Variants in KAZN observed in about 807,000 individuals in gnomAD.
KAZN encodes the protein kazrin, periplakin interacting protein, also known as kazrin.
Under a neutral mutation model 87.4 loss-of-function variants are expected in KAZN, and 40 were observed. The ratio of observed to expected loss-of-function variants is 0.46; its 90% CI spans 0.36 to 0.60. The LOEUF is 0.60. Among genes scored for constraint, KAZN ranks in the 20% least tolerant of loss-of-function variants. The pLI, the probability that KAZN is intolerant of heterozygous loss-of-function variation, is 0.00. For missense variants in KAZN, 898 were observed against 1,073.9 expected (o/e 0.84, Z 2.29); for synonymous variants, 466 against 458.3 (o/e 1.02, Z -0.22).
At chr1:14,007,658 C>T (rs1237375769) in intron 1 of KAZN, among the ~76,000 whole-genome samples, 2 of 152,174 alleles carry the variant, frequency 1.3e-5, no homozygotes, top group Non-Finnish European at 2.9e-5. Flanking sequence ...ACAATTTTAT[C>T]ACACTAGTTT....
intron 2 of KAZN, among the ~76,000 whole-genome samples, chr1:14,204,178 C>T (rs1646694196): frequency 6.6e-6 from 1 of 152,232 alleles, no homozygotes; most frequent in South Asian, 2.1e-4. Flanking sequence ...TTGCATGCTT[C>T]CTGAAACTTG....
rs374866469 is a variant in KAZN at position 14,464,370 on chromosome 1, A to G, written c.250-134613A>G. ...TCTTGAAAAGTCTGGCAACACTCAG[A>G]TTGCGTTTCCTTAGAGAAATAATTG... On this transcript the variant is annotated intron_variant, in intron 2 of 16. Coordinates refer to the KAZN transcript ENST00000636203. Among the ~76,000 whole-genome samples, 352 of 152,262 alleles carry G rather than the reference A, an allele frequency of 2.3e-3. 3 individuals carry two copies. The highest frequency in any genetic ancestry group is 8.3e-3 in the African/African-American group (344 of 41,540).
chr1:14,068,816 T>A (rs966306668), intron 1 of KAZN, among the ~76,000 whole-genome samples: 4 of 132,718 alleles, frequency 3.0e-5, no homozygotes, highest in African/African-American at 1.2e-4. Context: ...TTTTTTTTTT[T>A]GAGACGGAGT....
At position 14,820,724 on chromosome 1, in the gene KAZN, G is replaced by A. The variant is rs1572569486; in HGVS notation, c.227-139960G>A. 6.6e-6 allele frequency among the ~76,000 whole-genome samples: 1 copy of A among 152,320 alleles called. No individual in the cohort carries two copies. The highest frequency in any genetic ancestry group is 1.5e-5 in the Non-Finnish European group (1 of 68,026). On this transcript the variant is annotated intron_variant, in intron 1 of 14. Transcript: ENST00000376030. The surrounding 1 kb of genome is among the most constrained non-coding windows in gnomAD (Gnocchi z 4.1). ...TGAGCAGAAGGTAAAGGTAGAAGGT[G>A]CAGATTAGGTACTGGGAATAGTCAT... is the stretch of plus-strand genomic sequence containing the variant.
intron 2 of KAZN, among the ~76,000 whole-genome samples, chr1:14,444,306 ATTTTT>A (rs35461813): frequency 1.0e-5 from 1 of 95,238 alleles, no homozygotes; most frequent in African/African-American, 4.5e-5. Context: ...TAAATTCATG[ATTTTT>A]TTTTTTTTTT....
At chr1:14,250,587 G>A (rs1009103458) in intron 2 of KAZN, among the ~76,000 whole-genome samples, 5 of 151,604 alleles carry the variant, frequency 3.3e-5, no homozygotes, top group African/African-American at 1.2e-4. Flanking sequence ...TTGATGGTGA[G>A]ATTCAACATT....
intron 2 of KAZN, among the ~76,000 whole-genome samples, chr1:15,033,249 TC>T (rs1671916134): frequency 1.3e-5 from 2 of 152,226 alleles, no homozygotes; most frequent in Non-Finnish European, 2.9e-5. Context: ...GCAATGGCCC[TC>T]CTTGTTTTTA....
At chr1:14,194,643 G>T (rs1486351993) in intron 2 of KAZN, among the ~76,000 whole-genome samples, 1 of 152,156 alleles carries the variant, frequency 6.6e-6, no homozygotes, top group East Asian at 1.9e-4. Flanking sequence ...TTTCATGAAG[G>T]CTTCACTGAG....
At chr1:14,037,190 G>A (rs7527265) in intron 1 of KAZN, among the ~76,000 whole-genome samples, 23,091 of 152,238 alleles carry the variant, frequency 0.15, 2,011 homozygotes, top group Middle Eastern at 0.25. Context: ...CTCCATGCCA[G>A]TAAATACAGT....
chr1:15,077,278 G>C lies in KAZN; in HGVS notation c.1222+11525G>C, dbSNP rs1046165754. On this transcript the variant is annotated intron_variant, in intron 8 of 14. Coordinates refer to ENST00000376030, the MANE Select transcript of KAZN (RefSeq NM_201628.3). The surrounding 1 kb of genome is among the most constrained non-coding windows in gnomAD (Gnocchi z 4.8). ...TCTCTCTGTGGACACCTCGTGCTCT[G>C]ACAGTCCCTGGTCTTCCCCTGCGTG... is the stretch of plus-strand genomic sequence containing the variant. Among the ~76,000 whole-genome samples, 14 of 152,116 alleles carry C rather than the reference G, an allele frequency of 9.2e-5. No homozygotes were observed. The highest frequency in any genetic ancestry group is 3.4e-4 in the African/African-American group (14 of 41,414).
chr1:14,334,823 G>A (rs914125999), intron 2 of KAZN, among the ~76,000 whole-genome samples: 2 of 152,164 alleles, frequency 1.3e-5, no homozygotes, highest in African/African-American at 4.8e-5. Context: ...CAGAAGCAGA[G>A]AGACAGACAG....
chr1:14,739,799 G>A (rs369817487), intron 1 of KAZN, among the ~76,000 whole-genome samples: 26 of 151,828 alleles, frequency 1.7e-4, no homozygotes, highest in African/African-American at 5.8e-4. Flanking sequence ...ATAAAAAAAT[G>A]TTGATCTGTC....
intron 1 of KAZN, among the ~76,000 whole-genome samples, chr1:14,880,289 C>T (rs1653198102): frequency 6.6e-6 from 1 of 152,092 alleles, no homozygotes; most frequent in Admixed American, 6.5e-5. Context: ...TGTGGATACC[C>T]AGTTTGTAGA....
intron 1 of KAZN, among the ~76,000 whole-genome samples, chr1:14,610,835 T>A (rs1424744109): frequency 6.6e-6 from 1 of 152,232 alleles, no homozygotes; most frequent in African/African-American, 2.4e-5. Flanking sequence ...TCTCTCTTTT[T>A]CACTATCCCT....
intron 2 of KAZN, among the ~76,000 whole-genome samples, chr1:14,432,708 T>C (rs112178338): frequency 0.14 from 20,588 of 152,066 alleles, 1,699 homozygotes; most frequent in East Asian, 0.22. Context: ...TGTCCTAATG[T>C]TCTCTCTCCC....
chr1:14,967,828 G>C (rs759314313), intron 2 of KAZN, among the ~76,000 whole-genome samples: 2 of 152,178 alleles, frequency 1.3e-5, no homozygotes, highest in East Asian at 1.9e-4. Flanking sequence ...CAACACCAGG[G>C]TTTTAGCCCG....
chr1:15,020,849 T>TC (rs1670595048), intron 2 of KAZN, among the ~76,000 whole-genome samples: 1 of 151,932 alleles, frequency 6.6e-6, no homozygotes, highest in Admixed American at 6.6e-5. Context: ...TTGCCCCAGG[T>TC]CCCCCCACAT....
intron 1 of KAZN, among the ~76,000 whole-genome samples, chr1:14,915,505 A>C (rs779276728): frequency 1.3e-5 from 2 of 152,198 alleles, no homozygotes; most frequent in African/African-American, 2.4e-5. Context: ...CAAGGGTCCC[A>C]CTTGGGGAAG....
chr1:14,974,669 G>A (rs4661309), intron 2 of KAZN, among the ~76,000 whole-genome samples: 147,543 of 152,340 alleles, frequency 0.97, 71,492 homozygotes, highest in East Asian at 1. Context: ...ATAACAACAT[G>A]GAGAGATCTC....
Sources: allele counts gnomAD v4.1 joint callset (sites outside exome capture counted in the v4.1 genomes callset), GRCh38; gene constraint gnomAD v4.1.1; non-coding constraint Gnocchi (gnomAD v3.1); transcripts MANE v1.5; gene names NCBI Gene and HGNC (gene_info 2026-07-23, HGNC 2026-07-21).